CDH12: variants seen among roughly 807,000 people sequenced by gnomAD.
CDH12 encodes cadherin 12.
In CDH12, 41 loss-of-function variants were observed where a neutral mutation model predicts 74.1. The observed-to-expected ratio is 0.55, with a 90% CI of 0.43 to 0.72. CDH12 has a LOEUF of 0.72. CDH12 is among the 30% of genes least tolerant of loss of function. The pLI, the probability that CDH12 is intolerant of heterozygous loss-of-function variation, is 0.00. For synonymous variants in CDH12, 399 were observed against 355.0 expected (o/e 1.12, Z -1.39); for missense variants, 945 against 977.2 (o/e 0.97, Z 0.44).
chr5:21,798,359 T>TA (rs1746912376), intron 10 of CDH12, among the ~76,000 whole-genome samples: 1 of 152,018 alleles, frequency 6.6e-6, no homozygotes, highest in Non-Finnish European at 1.5e-5. Flanking sequence ...TATGGAAATG[T>TA]AAAATAATAG....
intron 1 of CDH12, among the ~76,000 whole-genome samples, chr5:22,679,484 C>A (rs573574852): frequency 3.3e-5 from 5 of 152,072 alleles, no homozygotes; most frequent in Non-Finnish European, 7.4e-5. Flanking sequence ...AAAAAAAATG[C>A]CTTGTGACCA....
intron 6 of CDH12, among the ~76,000 whole-genome samples, chr5:21,901,521 A>T (rs1753382949): frequency 1.3e-5 from 2 of 152,206 alleles, no homozygotes; most frequent in African/African-American, 4.8e-5. Flanking sequence ...TAGAAGTGAC[A>T]TCTCAATTTC....
At chr5:22,706,950 G>A (rs1158513519) in intron 1 of CDH12, among the ~76,000 whole-genome samples, 2 of 152,054 alleles carry the variant, frequency 1.3e-5, no homozygotes, top group African/African-American at 4.8e-5. Flanking sequence ...ACCCAAACAA[G>A]ACAGGCTCAT....
At chr5:22,032,729 A>T (rs938393392) in intron 5 of CDH12, among the ~76,000 whole-genome samples, 20 of 146,444 alleles carry the variant, frequency 1.4e-4, no homozygotes, top group Non-Finnish European at 2.5e-4. Flanking sequence ...ATGTATATAC[A>T]TATTTTTGTA....
chr5:21,795,527 C>A lies in CDH12; in HGVS notation c.1256+6640G>T, dbSNP rs564200532. On this transcript the variant is annotated intron_variant, in intron 10 of 14. Transcript: ENST00000382254. ...TCTATCAATAAAAATGTAGAAAAATCTCTGCTGCTGTGCAGTTTATATACT... is the reference window on the plus strand; with the variant it reads ...TCTATCAATAAAAATGTAGAAAAATATCTGCTGCTGTGCAGTTTATATACT... Among the ~76,000 whole-genome samples, 678 of 151,934 alleles carry A rather than the reference C, an allele frequency of 4.5e-3. 5 individuals carry two copies. Among genetic ancestry groups the A allele is most frequent in the African/African-American group, 0.015 (620 of 41,508 alleles).
chr5:21,782,426 G>T (rs2149897141), intron 11 of CDH12, among the ~76,000 whole-genome samples: 1 of 152,280 alleles, frequency 6.6e-6, no homozygotes, highest in Admixed American at 6.5e-5. Context: ...AAACAAAACT[G>T]TTTGATGTTT....
chr5:22,567,431 C>T (rs1739340226), intron 1 of CDH12, among the ~76,000 whole-genome samples: 2 of 152,294 alleles, frequency 1.3e-5, no homozygotes, highest in South Asian at 4.1e-4. Flanking sequence ...TCTTATCTCT[C>T]AATGTCAGGG....
At chr5:22,632,413 A>T (rs1738633339) in intron 1 of CDH12, among the ~76,000 whole-genome samples, 1 of 152,206 alleles carries the variant, frequency 6.6e-6, no homozygotes, top group Non-Finnish European at 1.5e-5. Context: ...TAAACTTTTT[A>T]AAAAATCTTT....
rs111772218 is a variant in CDH12 at position 21,900,714 on chromosome 5, C to T, written c.527-45924G>A. ...CAAGTTTAAAATCGGTCCCCGACTC[C>T]GCCAGCCAATGCCCACCACAATTGC... On this transcript the variant is annotated intron_variant, in intron 6 of 14. Transcript: ENST00000382254. Among the ~76,000 whole-genome samples, 816 of 152,252 alleles carry T rather than the reference C, an allele frequency of 5.4e-3. 13 individuals are homozygous for T. Among genetic ancestry groups the T allele is most frequent in the African/African-American group, 0.019 (781 of 41,532 alleles).
At chr5:22,057,138 G>A (rs1306079627) in intron 5 of CDH12, among the ~76,000 whole-genome samples, 1 of 152,142 alleles carries the variant, frequency 6.6e-6, no homozygotes, top group Non-Finnish European at 1.5e-5. Flanking sequence ...TACAGCTTCT[G>A]TCATAACTAC....
intron 4 of CDH12, among the ~76,000 whole-genome samples, chr5:22,198,045 T>C (rs933935576): frequency 6.6e-6 from 1 of 151,648 alleles, no homozygotes; most frequent in Non-Finnish European, 1.5e-5. Flanking sequence ...TTCTTAATCA[T>C]ATTTAAAAGA....
At chr5:22,381,085 T>C (rs1741740705) in intron 3 of CDH12, among the ~76,000 whole-genome samples, 1 of 152,068 alleles carries the variant, frequency 6.6e-6, no homozygotes, top group Non-Finnish European at 1.5e-5. Flanking sequence ...AGGCAATTAA[T>C]CTTAGTATAA....
intron 4 of CDH12, among the ~76,000 whole-genome samples, chr5:22,096,031 C>T (rs1387340921): frequency 6.6e-6 from 1 of 151,748 alleles, no homozygotes; most frequent in Non-Finnish European, 1.5e-5. Flanking sequence ...GGGTAAGAAC[C>T]CCCAAACCCC....
At chr5:22,193,660 T>A (rs1179535894) in intron 4 of CDH12, among the ~76,000 whole-genome samples, 1 of 151,770 alleles carries the variant, frequency 6.6e-6, no homozygotes, top group Non-Finnish European at 1.5e-5. Flanking sequence ...TATACAAATT[T>A]GGATAAGCAG....
chr5:22,675,708 C>T (rs1741133190), intron 1 of CDH12, among the ~76,000 whole-genome samples: 1 of 151,908 alleles, frequency 6.6e-6, no homozygotes. Context: ...TTTCACCTTC[C>T]ACCATGATTG....
At position 21,755,852 on chromosome 5, in the gene CDH12, A is replaced by T; in HGVS notation, c.1634-10T>A. The T allele has an allele frequency of 6.2e-7, 1 of 1,613,676 alleles. No individual in the cohort carries two copies. The highest frequency in any genetic ancestry group is 8.5e-7 in the Non-Finnish European group (1 of 1,179,658). On this transcript the variant is annotated splice_polypyrimidine_tract_variant and intron_variant, in intron 13 of 14. Transcript: ENST00000382254. ...ATCCCCGCTGTGTTGTCTACAAAACATGACATTTATGGTAACATGGTTACT... is the reference window on the plus strand; with the variant it reads ...ATCCCCGCTGTGTTGTCTACAAAACTTGACATTTATGGTAACATGGTTACT...
intron 1 of CDH12, among the ~76,000 whole-genome samples, chr5:22,675,718 G>A (rs1741133724): frequency 6.6e-6 from 1 of 151,806 alleles, no homozygotes; most frequent in Non-Finnish European, 1.5e-5. Context: ...CACCATGATT[G>A]TGGAGCCTCC....
chr5:22,297,275 C>T (rs906805051), intron 3 of CDH12, among the ~76,000 whole-genome samples: 2 of 152,144 alleles, frequency 1.3e-5, no homozygotes, highest in African/African-American at 4.8e-5. Flanking sequence ...CCCACCTCGG[C>T]CTCCCAAAGT....
intron 3 of CDH12, among the ~76,000 whole-genome samples, chr5:22,234,751 C>T (rs980002473): frequency 2.0e-5 from 3 of 151,876 alleles, no homozygotes; most frequent in South Asian, 2.1e-4. Context: ...TCTCCATTTA[C>T]GTTTATCTAT....
Sources: allele counts gnomAD v4.1 joint callset (sites outside exome capture counted in the v4.1 genomes callset), GRCh38; gene constraint gnomAD v4.1.1; transcripts MANE v1.5; gene names NCBI Gene and HGNC (gene_info 2026-07-23, HGNC 2026-07-21).